Variants in B3GAT2 observed in about 807,000 individuals in gnomAD.
B3GAT2 encodes the protein beta-1,3-glucuronyltransferase 2, also known as galactosylgalactosylxylosylprotein 3-beta-glucuronosyltransferase 2.
B3GAT2 carries 26 observed loss-of-function variants against 27.8 expected under a neutral mutation model. The ratio of observed to expected loss-of-function variants is 0.93; its 90% confidence interval spans 0.68 to 1.30. The LOEUF is 1.30. Ranked by LOEUF, B3GAT2 falls within the 50% of genes most tolerant of loss-of-function variation. B3GAT2 has a pLI of 0.00. For missense variants in B3GAT2, 458 were observed against 459.0 expected (o/e 1.00, Z 0.02); for synonymous variants, 218 against 195.1 (o/e 1.12, Z -0.98).
intron 1 of B3GAT2, among the ~76,000 whole-genome samples, chr6:70,930,528 C>T (rs1038932140): frequency 5.3e-5 from 8 of 152,110 alleles, no homozygotes; most frequent in Non-Finnish European, 7.3e-5. Context: ...AAAAAGTGGG[C>T]GAAGGATATG....
intron 1 of B3GAT2, among the ~76,000 whole-genome samples, chr6:70,909,129 C>T (rs1562225950): frequency 6.6e-6 from 1 of 152,120 alleles, no homozygotes; most frequent in African/African-American, 2.4e-5. Flanking sequence ...CAAACACACA[C>T]ACATTCACAC....
At chr6:70,867,158 C>T (rs928192478) in intron 2 of B3GAT2, among the ~76,000 whole-genome samples, 10 of 151,900 alleles carry the variant, frequency 6.6e-5, no homozygotes, top group African/African-American at 9.7e-5. Flanking sequence ...GTGTAGGATA[C>T]ATCTAAAGGA....
intron 1 of B3GAT2, among the ~76,000 whole-genome samples, chr6:70,903,775 C>G (rs1434728085): frequency 2.0e-5 from 3 of 151,736 alleles, no homozygotes; most frequent in African/African-American, 7.3e-5. Context: ...ATAATTAGGT[C>G]TCATATACAT....
Position 70,953,351 on chromosome 6 carries a change from G to A in B3GAT2, c.591+2488C>T, listed in dbSNP as rs1171435809. On this transcript the variant is annotated intron_variant, in intron 1 of 3. Coordinates refer to ENST00000230053, the MANE Select transcript of B3GAT2 (RefSeq NM_080742.3). ...TAGGCTGTCTCACAAATAAACCTAC[G>A]GATTTCCAAATTCTGGAAAATGCAC... 2.6e-5 allele frequency among the ~76,000 whole-genome samples: 4 copies of A among 152,084 alleles called. 1 individual carries two copies. Among genetic ancestry groups the A allele is most frequent in the South Asian group, 4.1e-4 (2 of 4,830 alleles).
chr6:70,862,990 A>T (rs1290991618), intron 2 of B3GAT2, among the ~76,000 whole-genome samples: 1 of 152,204 alleles, frequency 6.6e-6, no homozygotes, highest in Non-Finnish European at 1.5e-5. Flanking sequence ...AGAAAAAAGA[A>T]TCATTCGTAT....
Position 70,911,530 on chromosome 6 carries a change from C to T in B3GAT2, c.592-17258G>A, listed in dbSNP as rs112803336. Reference sequence around the variant, plus strand: ...TGTCTGTTTTTGTACAAGTACCATGCTGTTTTTGTTACTGTAAGCTTGCAG... The same window carrying T: ...TGTCTGTTTTTGTACAAGTACCATGTTGTTTTTGTTACTGTAAGCTTGCAG... On this transcript the variant is annotated intron_variant, in intron 1 of 3. Coordinates refer to ENST00000230053, the MANE Select transcript of B3GAT2 (RefSeq NM_080742.3). 1.6e-3 allele frequency among the ~76,000 whole-genome samples: 247 copies of T among 152,202 alleles called. 1 individual carries two copies. Among genetic ancestry groups the T allele is most frequent in the African/African-American group, 5.5e-3 (230 of 41,564 alleles).
At chr6:70,909,757 C>T (rs1004727602) in intron 1 of B3GAT2, among the ~76,000 whole-genome samples, 4 of 152,238 alleles carry the variant, frequency 2.6e-5, no homozygotes, top group Admixed American at 6.5e-5. Context: ...ATTAGAACCA[C>T]AGCAGTTAAA....
chr6:70,877,223 G>A (rs911833131), intron 2 of B3GAT2, among the ~76,000 whole-genome samples: 8 of 152,248 alleles, frequency 5.3e-5, no homozygotes, highest in Non-Finnish European at 1.2e-4. Flanking sequence ...CCCACCGGGG[G>A]TGTTCAGCAC....
intron 1 of B3GAT2, among the ~76,000 whole-genome samples, chr6:70,924,488 T>C (rs1454648547): frequency 6.6e-6 from 1 of 152,200 alleles, no homozygotes; most frequent in Non-Finnish European, 1.5e-5. Context: ...TAAGTCACAC[T>C]TTCCAATTTC....
chr6:70,892,464 A>G (rs535819502), intron 2 of B3GAT2, among the ~76,000 whole-genome samples: 8 of 152,266 alleles, frequency 5.3e-5, no homozygotes, highest in African/African-American at 1.9e-4. Flanking sequence ...CAGACATCCC[A>G]CGTGTTAAGG....
chr6:70,907,779 G>C (rs910537767), intron 1 of B3GAT2, among the ~76,000 whole-genome samples: 1 of 152,186 alleles, frequency 6.6e-6, no homozygotes, highest in Non-Finnish European at 1.5e-5. Flanking sequence ...TAACTGCCCA[G>C]GAGAGTCACC....
At chr6:70,894,368 G>T (rs1246842196) in intron 1 of B3GAT2, 96 bp from the exon 2 acceptor site, 18 of 1,326,722 alleles carry the variant, frequency 1.4e-5, no homozygotes, top group South Asian at 7.3e-5. Flanking sequence ...GCTGGTAGTG[G>T]TGTAAGATTT....
At chr6:70,900,384 TG>T (rs1772477447) in intron 1 of B3GAT2, among the ~76,000 whole-genome samples, 1 of 150,152 alleles carries the variant, frequency 6.7e-6, no homozygotes, top group Non-Finnish European at 1.5e-5. Flanking sequence ...CACTCCAGTC[TG>T]GTGGCCCTTA....
chr6:70,925,017 G>A (rs1772929663), intron 1 of B3GAT2, among the ~76,000 whole-genome samples: 1 of 152,192 alleles, frequency 6.6e-6, no homozygotes, highest in Admixed American at 6.5e-5. Context: ...GGCACCACCT[G>A]ACCTGCCAAC....
At chr6:70,955,373 G>T (rs1582406192) in intron 1 of B3GAT2, among the ~76,000 whole-genome samples, 1 of 151,940 alleles carries the variant, frequency 6.6e-6, no homozygotes, top group East Asian at 2.0e-4. Flanking sequence ...ACACCTGTAG[G>T]CACTGAAAAG....
intron 1 of B3GAT2, among the ~76,000 whole-genome samples, chr6:70,933,891 C>A (rs557219654): frequency 1.4e-4 from 22 of 152,154 alleles, no homozygotes; most frequent in Non-Finnish European, 2.6e-4. Context: ...ACCCACTTTA[C>A]GTACCTATTA....
At chr6:70,885,394 A>G (rs1235047768) in intron 2 of B3GAT2, among the ~76,000 whole-genome samples, 1 of 152,188 alleles carries the variant, frequency 6.6e-6, no homozygotes, top group Non-Finnish European at 1.5e-5. Context: ...TCAGCTGGGA[A>G]ATTTTAACAA....
intron 1 of B3GAT2, among the ~76,000 whole-genome samples, chr6:70,909,091 C>T (rs1772645714): frequency 6.6e-6 from 1 of 152,090 alleles, no homozygotes; most frequent in Non-Finnish European, 1.5e-5. Flanking sequence ...GTAGGTGGAT[C>T]TTGAAAGAAA....
At chr6:70,897,248 AC>A (rs1299161470) in intron 1 of B3GAT2, among the ~76,000 whole-genome samples, 8 of 137,390 alleles carry the variant, frequency 5.8e-5, no homozygotes, top group Non-Finnish European at 1.3e-4. Flanking sequence ...AGGTTTTCTT[AC>A]TATTGACTTT....
Sources: gnomAD v4.1 joint callset for allele counts (sites outside exome capture counted in the v4.1 genomes callset) on GRCh38, gnomAD v4.1.1 for gene constraint, MANE v1.5 for transcripts, NCBI Gene and HGNC (gene_info 2026-07-23, HGNC 2026-07-21) for gene names.